Variants in UHRF2 observed in about 807,000 individuals in gnomAD.
UHRF2 encodes the protein ubiquitin like with PHD and ring finger domains 2.
Under a neutral mutation model 96.8 loss-of-function variants are expected in UHRF2, and 23 were observed. That is an observed-to-expected ratio of 0.24 (90% CI 0.17 to 0.34). The LOEUF is 0.34. Among genes scored for constraint, UHRF2 ranks in the 10% least tolerant of loss-of-function variants. The probability of loss-of-function intolerance (pLI) is 1.00; values close to 1 mark genes in which losing one functional copy is unlikely to be tolerated. For missense variants in UHRF2, 685 were observed against 981.5 expected (o/e 0.70, Z 4.04); for synonymous variants, 385 against 332.6 (o/e 1.16, Z -1.72).
intron 3 of UHRF2, among the ~76,000 whole-genome samples, chr9:6,444,844 G>C (rs762633113): frequency 5.9e-5 from 9 of 152,004 alleles, no homozygotes; most frequent in African/African-American, 2.2e-4. Flanking sequence ...TTAGGTGATT[G>C]ACCTGCCCCG....
At chr9:6,418,181 G>A (rs1372381228) in intron 1 of UHRF2, among the ~76,000 whole-genome samples, 1 of 151,102 alleles carries the variant, frequency 6.6e-6, no homozygotes, top group African/African-American at 2.4e-5. Flanking sequence ...TCAAAATGAT[G>A]GTGTGAATGC....
Position 6,504,803 on chromosome 9 carries a change from A to T in UHRF2, c.2262+112A>T, listed in dbSNP as rs142669690. ...TTCCGTGAAGCGGGATAGTTGCGGA[A>T]CCTTCTAGTTAAGAAGCATTTAGTT... On this transcript the variant is annotated intron_variant, in intron 15 of 15. Coordinates refer to ENST00000276893, the MANE Select transcript of UHRF2 (RefSeq NM_152896.3). The T allele has an allele frequency of 1.5e-4, 108 of 725,392 alleles. No individual in the cohort carries two copies. The East Asian group carries it at 3.1e-3, about 21-fold the overall frequency. The allele number at this position is 725,392 out of a possible 1,614,324, so 44.9% of individuals were successfully genotyped here.
intron 3 of UHRF2, among the ~76,000 whole-genome samples, chr9:6,447,228 A>G (rs1014674481): frequency 4.6e-5 from 7 of 152,168 alleles, no homozygotes; most frequent in Non-Finnish European, 8.8e-5. Flanking sequence ...TGTTTCTACT[A>G]TTAGCAAAAT....
intron 12 of UHRF2, chr9:6,499,098 C>T (rs1045269166): frequency 6.6e-6 from 1 of 151,904 alleles, no homozygotes; most frequent in African/African-American, 2.4e-5. Context: ...TTCAGATGTC[C>T]CTGTTGAGAG....
At chr9:6,505,208 A>G (rs189766687) in intron 15 of UHRF2, among the ~76,000 whole-genome samples, 3 of 152,286 alleles carry the variant, frequency 2.0e-5, no homozygotes, top group Non-Finnish European at 1.5e-5. Context: ...AAACAAATCT[A>G]CATACGAGTT....
intron 15 of UHRF2, among the ~76,000 whole-genome samples, chr9:6,505,748 C>A (rs953696498): frequency 1.3e-5 from 2 of 152,198 alleles, no homozygotes; most frequent in Admixed American, 6.5e-5. Flanking sequence ...GAAGATTAGG[C>A]TAGTGGCAAC....
At chr9:6,477,597 C>G in intron 5 of UHRF2, 25 bp from the exon 6 acceptor site, 2 of 1,564,082 alleles carry the variant, frequency 1.3e-6, no homozygotes, top group Non-Finnish European at 1.7e-6. Context: ...TAAGACTAGA[C>G]TTGCTATAAT....
chr9:6,484,378 G>T (rs1328115568), intron 8 of UHRF2, among the ~76,000 whole-genome samples: 1 of 151,106 alleles, frequency 6.6e-6, no homozygotes, highest in Admixed American at 6.6e-5. Context: ...GTGGTGGCAG[G>T]TGTGGCAGCA....
chr9:6,479,436 C>G (rs1823790796), intron 6 of UHRF2, among the ~76,000 whole-genome samples: 1 of 152,134 alleles, frequency 6.6e-6, no homozygotes, highest in South Asian at 2.1e-4. Context: ...TTCCCGTCAC[C>G]TACCAGATTT....
At chr9:6,488,608 C>T (rs1294646210) in intron 9 of UHRF2, among the ~76,000 whole-genome samples, 3 of 128,196 alleles carry the variant, frequency 2.3e-5, no homozygotes, top group African/African-American at 6.2e-5. Context: ...AGTGCAATGG[C>T]GCCATCTCAG....
At chr9:6,476,719 C>G (rs953172258) in intron 5 of UHRF2, among the ~76,000 whole-genome samples, 1 of 151,970 alleles carries the variant, frequency 6.6e-6, no homozygotes, top group African/African-American at 2.4e-5. Context: ...CTTAGCCTCT[C>G]GAGTAGCTTG....
intron 9 of UHRF2, among the ~76,000 whole-genome samples, chr9:6,487,194 T>TA (rs1824349945): frequency 3.8e-5 from 5 of 131,678 alleles, no homozygotes; most frequent in African/African-American, 1.5e-4. Flanking sequence ...TTTTTTTTTT[T>TA]TTTTTTTTTT....
chr9:6,504,482 G>A (rs1816480579), intron 14 of UHRF2, 111 bp from the exon 15 acceptor site: 6 of 634,406 alleles, frequency 9.5e-6, no homozygotes, highest in Non-Finnish European at 1.6e-5. Context: ...TTTATGCTGG[G>A]AACATTTGAA....
chr9:6,503,637 A>G (rs1816422842), intron 14 of UHRF2, among the ~76,000 whole-genome samples: 1 of 152,044 alleles, frequency 6.6e-6, no homozygotes, highest in Non-Finnish European at 1.5e-5. Context: ...ACTACAGAGT[A>G]TTGTTTCCTA....
chr9:6,497,577 G>GT (rs367956676), intron 11 of UHRF2, among the ~76,000 whole-genome samples: 7,650 of 147,630 alleles, frequency 0.052, 294 homozygotes, highest in African/African-American at 0.1. Flanking sequence ...TTGGGTTAAG[G>GT]TTTTTTTTTT....
chr9:6,444,217 T>C (rs1821355139), intron 3 of UHRF2, among the ~76,000 whole-genome samples: 1 of 152,236 alleles, frequency 6.6e-6, no homozygotes, highest in Non-Finnish European at 1.5e-5. Flanking sequence ...AGAACCCTGG[T>C]AAAATAACCT....
At chr9:6,437,390 G>A (rs1474817586) in intron 3 of UHRF2, among the ~76,000 whole-genome samples, 3 of 151,922 alleles carry the variant, frequency 2.0e-5, no homozygotes, top group South Asian at 2.1e-4. Flanking sequence ...CTGCCACCAC[G>A]CCTGGCTAAC....
chr9:6,445,810 C>A (rs1587804073), intron 3 of UHRF2, among the ~76,000 whole-genome samples: 1 of 151,958 alleles, frequency 6.6e-6, no homozygotes, highest in Non-Finnish European at 1.5e-5. Context: ...GCAGTCCTTC[C>A]CCCTTGGCCT....
intron 2 of UHRF2, among the ~76,000 whole-genome samples, chr9:6,426,098 T>C (rs1403076496): frequency 6.6e-6 from 1 of 152,220 alleles, no homozygotes. Flanking sequence ...AACTTAAATT[T>C]CTGTTTAGCA....
Sources: gnomAD v4.1 joint callset for allele counts (sites outside exome capture counted in the v4.1 genomes callset) on GRCh38, gnomAD v4.1.1 for gene constraint, MANE v1.5 for transcripts, NCBI Gene and HGNC (gene_info 2026-07-23, HGNC 2026-07-21) for gene names.